Variants in ZCWPW2 observed in about 807,000 individuals in gnomAD.
The protein encoded by ZCWPW2 is zinc finger CW-type PWWP domain protein 2.
ZCWPW2 carries 45 observed loss-of-function variants against 46.6 expected under a neutral mutation model. The observed-to-expected ratio is 0.96, with a 90% CI of 0.76 to 1.24. The LOEUF (loss-of-function observed/expected upper bound fraction) is 1.24, where lower values mean the gene tolerates loss of function less well. Among genes scored for constraint, ZCWPW2 ranks in the 50% most tolerant of loss-of-function variants. The pLI is 0.00. For synonymous variants in ZCWPW2, 152 were observed against 137.1 expected, an observed-to-expected ratio of 1.11 and a Z score of -0.76; for missense variants, 429 against 403.9, an observed-to-expected ratio of 1.06 and a Z score of -0.53.
chr3:28,361,664 G>T (rs1485006852), intron 1 of ZCWPW2, among the ~76,000 whole-genome samples: 1 of 151,740 alleles, frequency 6.6e-6, no homozygotes, highest in Non-Finnish European at 1.5e-5. Context: ...AAATATATAA[G>T]AAATTCATAC....
intron 1 of ZCWPW2, among the ~76,000 whole-genome samples, chr3:28,376,142 C>T (rs1409365668): frequency 6.6e-6 from 1 of 151,964 alleles, no homozygotes; most frequent in Admixed American, 6.6e-5. Context: ...GATTTCCTTT[C>T]TTTTGGGTAT....
intron 4 of ZCWPW2, among the ~76,000 whole-genome samples, chr3:28,467,955 A>G (rs1698890549): frequency 6.6e-6 from 1 of 152,168 alleles, no homozygotes. Flanking sequence ...CCAGGAAAAC[A>G]TGACCTCACC....
At chr3:28,519,424 C>G (rs1267827271) in intron 8 of ZCWPW2, among the ~76,000 whole-genome samples, 1 of 152,068 alleles carries the variant, frequency 6.6e-6, no homozygotes, top group African/African-American at 2.4e-5. Context: ...AAATTATTTT[C>G]AAGATGAACT....
At chr3:28,493,253 C>T (rs1259769154) in intron 6 of ZCWPW2, among the ~76,000 whole-genome samples, 4 of 139,332 alleles carry the variant, frequency 2.9e-5, no homozygotes, top group Admixed American at 1.5e-4. Flanking sequence ...CAGCCACTAA[C>T]GTGTCATCTA....
intron 1 of ZCWPW2, among the ~76,000 whole-genome samples, chr3:28,378,447 T>A (rs915957489): frequency 3.9e-5 from 6 of 152,060 alleles, no homozygotes; most frequent in African/African-American, 1.4e-4. Context: ...ATTTATTATA[T>A]CTTCAGTGTG....
chr3:28,421,257 T>C (rs1287841327), intron 3 of ZCWPW2, among the ~76,000 whole-genome samples: 4 of 152,122 alleles, frequency 2.6e-5, no homozygotes, highest in Non-Finnish European at 5.9e-5. Context: ...ATGACCTTTT[T>C]ATTGTTGCCA....
In ZCWPW2 at chr3:28,365,328, A is replaced by G. The variant is rs532749843; in HGVS notation, c.-134+16125A>G. On this transcript the variant is annotated intron_variant, in intron 1 of 9. Coordinates refer to ENST00000383768, the MANE Select transcript of ZCWPW2 (RefSeq NM_001040432.4). ...CCATCTTGAATTAATTTTTGTATAC[A>G]GTGTAAGGAAGGGATCCAGTTTCAG... Among the ~76,000 whole-genome samples, 16 of 140,794 alleles carry G rather than the reference A, an allele frequency of 1.1e-4. 2 individuals are homozygous for G. The highest frequency in any genetic ancestry group is 5.8e-4 in the East Asian group (3 of 5,130). The allele number at this position is 140,794 out of a possible 152,430, so 92.4% of individuals were successfully genotyped here.
At chr3:28,518,417 G>T (rs1433554972) in intron 8 of ZCWPW2, among the ~76,000 whole-genome samples, 1 of 151,840 alleles carries the variant, frequency 6.6e-6, no homozygotes, top group Admixed American at 6.6e-5. Flanking sequence ...TGTAGATTAA[G>T]GTAACTGCTA....
intron 2 of ZCWPW2, among the ~76,000 whole-genome samples, chr3:28,410,431 C>G (rs1696357218): frequency 6.7e-6 from 1 of 149,698 alleles, no homozygotes; most frequent in African/African-American, 2.5e-5. Context: ...TCATTTTTTG[C>G]ACACATATAA....
At chr3:28,464,672 G>A (rs1186543048) in intron 4 of ZCWPW2, among the ~76,000 whole-genome samples, 1 of 152,170 alleles carries the variant, frequency 6.6e-6, no homozygotes, top group Admixed American at 6.5e-5. Flanking sequence ...AGAAGAAGAA[G>A]CATAGATGGA....
At chr3:28,518,494 C>G (rs1447657834) in intron 8 of ZCWPW2, among the ~76,000 whole-genome samples, 1 of 152,080 alleles carries the variant, frequency 6.6e-6, no homozygotes, top group African/African-American at 2.4e-5. Flanking sequence ...AGCAAACTTC[C>G]CACTGCTCTG....
At chr3:28,486,104 C>T (rs1307266059) in intron 5 of ZCWPW2, among the ~76,000 whole-genome samples, 1 of 152,038 alleles carries the variant, frequency 6.6e-6, no homozygotes, top group East Asian at 1.9e-4. Flanking sequence ...TTTTTAAAAA[C>T]TTTTTGGTGG....
intron 1 of ZCWPW2, among the ~76,000 whole-genome samples, chr3:28,358,068 G>A (rs779850138): frequency 1.4e-4 from 21 of 151,794 alleles, no homozygotes; most frequent in Non-Finnish European, 2.9e-4. Context: ...TTTGGCTTTA[G>A]TAATCACTTC....
rs952392761 is a variant in ZCWPW2 at position 28,435,749 on chromosome 3, G to A, written c.492+480G>A. Among the ~76,000 whole-genome samples, 3 of 152,246 alleles carry A rather than the reference G, an allele frequency of 2.0e-5. No homozygotes were observed. The South Asian group carries it at 6.2e-4, about 32-fold the overall frequency. ...GATCAGCCCGCCCCGGCCTCCGAAA[G>A]TGCTGGGATTACAGGCGTGAGCCAC... is the stretch of plus-strand genomic sequence containing the variant. On this transcript the variant is annotated intron_variant, in intron 4 of 9. Coordinates refer to ENST00000383768, the MANE Select transcript of ZCWPW2 (RefSeq NM_001040432.4).
At chr3:28,393,447 G>C (rs529867001) in intron 2 of ZCWPW2, among the ~76,000 whole-genome samples, 1 of 152,014 alleles carries the variant, frequency 6.6e-6, no homozygotes, top group Non-Finnish European at 1.5e-5. Flanking sequence ...TACAACATTA[G>C]TGTCACCCTT....
At chr3:28,509,813 G>A (rs190084536) in intron 6 of ZCWPW2, among the ~76,000 whole-genome samples, 1 of 152,212 alleles carries the variant, frequency 6.6e-6, no homozygotes, top group Non-Finnish European at 1.5e-5. Context: ...AATCACAGAA[G>A]TTTTAAAATG....
At chr3:28,422,676 C>T (rs1464841403) in intron 3 of ZCWPW2, among the ~76,000 whole-genome samples, 1 of 152,154 alleles carries the variant, frequency 6.6e-6, no homozygotes, top group African/African-American at 2.4e-5. Context: ...AGCTTCTATA[C>T]ACATCCATGT....
intron 5 of ZCWPW2, among the ~76,000 whole-genome samples, chr3:28,482,971 T>C (rs1437292017): frequency 2.0e-5 from 3 of 152,212 alleles, no homozygotes; most frequent in Non-Finnish European, 4.4e-5. Flanking sequence ...CTTGACAGAA[T>C]CTTTGGCAGA....
At position 28,420,890 on chromosome 3, in the gene ZCWPW2, C is replaced by A. The variant is rs539593043; in HGVS notation, c.332+7490C>A. 7.9e-5 allele frequency among the ~76,000 whole-genome samples: 12 copies of A among 152,136 alleles called. No individual in the cohort carries two copies. In the South Asian group the frequency reaches 2.5e-3, roughly 32 times the overall value. On this transcript the variant is annotated intron_variant, in intron 3 of 9. Transcript: ENST00000383768. ...ATTCCTATTGTTCTCTTTTTAAGTT[C>A]ACTGATTCTTTTCTCTGTTATATTC...
Sources: allele counts gnomAD v4.1 joint callset (sites outside exome capture counted in the v4.1 genomes callset), GRCh38; gene constraint gnomAD v4.1.1; transcripts MANE v1.5; gene names NCBI Gene and HGNC (gene_info 2026-07-23, HGNC 2026-07-21).